The following PDE7B variants were observed in gnomAD, a reference collection of about 807,000 sequenced individuals.
PDE7B encodes phosphodiesterase 7B.
A neutral mutation model predicts 56.2 loss-of-function variants in PDE7B; 29 were observed. The ratio of observed to expected loss-of-function variants is 0.52; its 90% confidence interval spans 0.38 to 0.70. The LOEUF (loss-of-function observed/expected upper bound fraction) is 0.70. Among genes scored for constraint, PDE7B ranks in the 30% least tolerant of loss-of-function variants. The probability of loss-of-function intolerance (pLI) is 0.00; values close to 1 mark genes in which losing one functional copy is unlikely to be tolerated. For synonymous variants in PDE7B, 197 were observed against 196.9 expected (o/e 1.00, Z 0.00); for missense variants, 490 against 565.0 (o/e 0.87, Z 1.35).
intron 1 of PDE7B, among the ~76,000 whole-genome samples, chr6:135,893,563 T>C (rs992857406): frequency 3.0e-4 from 46 of 152,270 alleles, no homozygotes; most frequent in African/African-American, 1.1e-3. Flanking sequence ...ACACTGTTGG[T>C]GGGACTGTAA....
intron 1 of PDE7B, among the ~76,000 whole-genome samples, chr6:135,877,393 A>T (rs1361308651): frequency 1.5e-5 from 2 of 136,916 alleles, no homozygotes; most frequent in African/African-American, 2.7e-5. Context: ...GATATCCTGT[A>T]CCATTCAGAT....
intron 2 of PDE7B, among the ~76,000 whole-genome samples, chr6:136,080,894 AG>A (rs1184710968): frequency 1.3e-5 from 2 of 152,150 alleles, no homozygotes; most frequent in Non-Finnish European, 2.9e-5. Flanking sequence ...CCATTGCAAA[AG>A]GGGCGAGGGG....
intron 1 of PDE7B, among the ~76,000 whole-genome samples, chr6:135,934,210 A>G (rs1774347810): frequency 6.6e-6 from 1 of 152,158 alleles, no homozygotes; most frequent in Admixed American, 6.5e-5. Flanking sequence ...CATGACACCT[A>G]CTACTTCAAA....
At chr6:135,902,719 G>A (rs772973432) in intron 1 of PDE7B, among the ~76,000 whole-genome samples, 1 of 152,242 alleles carries the variant, frequency 6.6e-6, no homozygotes, top group South Asian at 2.1e-4. Flanking sequence ...GTATTTTAAA[G>A]GACTTACCTG....
chr6:136,121,053 G>A (rs1281750291), intron 3 of PDE7B, among the ~76,000 whole-genome samples: 1 of 152,136 alleles, frequency 6.6e-6, no homozygotes, highest in Non-Finnish European at 1.5e-5. Flanking sequence ...TCATCTATAA[G>A]GAAGGTCTAG....
At chr6:136,061,665 C>A (rs746127949) in intron 2 of PDE7B, among the ~76,000 whole-genome samples, 10 of 152,176 alleles carry the variant, frequency 6.6e-5, no homozygotes, top group Non-Finnish European at 1.3e-4. Flanking sequence ...AGAGTAGAAG[C>A]CATCAAACCC....
chr6:136,037,320 G>A (rs923592850), intron 2 of PDE7B: 18 of 659,138 alleles, frequency 2.7e-5, no homozygotes, highest in South Asian at 6.7e-5. Context: ...CGCATCTTTC[G>A]GAGTTAACTG....
At chr6:135,998,885 A>T (rs529610528) in intron 2 of PDE7B, among the ~76,000 whole-genome samples, 2 of 152,300 alleles carry the variant, frequency 1.3e-5, no homozygotes, top group Admixed American at 1.3e-4. Flanking sequence ...AAGAGAGAGG[A>T]AAGAAGGAGG....
chr6:135,911,054 A>T (rs976510423), intron 1 of PDE7B, among the ~76,000 whole-genome samples: 8 of 152,224 alleles, frequency 5.3e-5, no homozygotes, highest in African/African-American at 1.9e-4. Context: ...AATCTTTCAC[A>T]GGAGGAAAAA....
At chr6:135,958,209 G>A (rs1367249642) in intron 2 of PDE7B, among the ~76,000 whole-genome samples, 1 of 152,106 alleles carries the variant, frequency 6.6e-6, no homozygotes, top group Non-Finnish European at 1.5e-5. Context: ...TCCAGCCTGG[G>A]TGACAGAGCA....
chr6:135,906,827 T>TTTTTTTTTTTTTTTTTTTTG (rs1554265693), intron 1 of PDE7B, among the ~76,000 whole-genome samples: 24 of 133,444 alleles, frequency 1.8e-4, no homozygotes, highest in South Asian at 2.7e-4. Flanking sequence ...TTTTTTTTTT[T>TTTTTTTTTTTTTTTTTTTTG]TTTTTTTTTA....
chr6:136,060,361 G>T (rs1016056072), intron 2 of PDE7B, among the ~76,000 whole-genome samples: 2 of 151,792 alleles, frequency 1.3e-5, no homozygotes, highest in South Asian at 2.1e-4. Context: ...CTTCTTTTCT[G>T]CCCACTTTAA....
intron 1 of PDE7B, among the ~76,000 whole-genome samples, chr6:135,893,367 C>T (rs999171370): frequency 1.3e-5 from 2 of 152,016 alleles, no homozygotes. Flanking sequence ...TGGTTTCCAG[C>T]TTCATCCATG....
intron 2 of PDE7B, among the ~76,000 whole-genome samples, chr6:136,079,985 C>A (rs971003950): frequency 1.3e-5 from 2 of 152,066 alleles, no homozygotes; most frequent in Non-Finnish European, 2.9e-5. Flanking sequence ...AATTAAAGAG[C>A]AACAAGGTCT....
In PDE7B at chr6:135,951,745, T is replaced by A. The variant is rs568439080; in HGVS notation, c.82+4221T>A. On this transcript the variant is annotated intron_variant, in intron 2 of 12. Coordinates refer to ENST00000308191, the MANE Select transcript of PDE7B (RefSeq NM_018945.4). ...AAGGTTTAATTTTTTTAATTTGAAA[T>A]TTTCATTGGCCCTGTTTTTGTCTCA... 2.6e-5 allele frequency among the ~76,000 whole-genome samples: 4 copies of A among 152,250 alleles called. No individual in the cohort carries two copies. In the South Asian group the frequency reaches 8.3e-4, roughly 32 times the overall value.
At chr6:136,048,085 T>TAGAC (rs1462650312) in intron 2 of PDE7B, among the ~76,000 whole-genome samples, 1 of 134,850 alleles carries the variant, frequency 7.4e-6, no homozygotes, top group Non-Finnish European at 1.7e-5. Flanking sequence ...GATGGATAGA[T>TAGAC]AGATAGACAG....
At chr6:136,145,858 T>C (rs191643389) in intron 3 of PDE7B, among the ~76,000 whole-genome samples, 2 of 152,276 alleles carry the variant, frequency 1.3e-5, no homozygotes, top group Admixed American at 1.3e-4. Flanking sequence ...ACTCCCTAGG[T>C]AATGTCATCT....
intron 4 of PDE7B, among the ~76,000 whole-genome samples, chr6:136,147,874 C>T (rs1778442778): frequency 6.6e-6 from 1 of 152,172 alleles, no homozygotes; most frequent in Non-Finnish European, 1.5e-5. Flanking sequence ...CTCATCGTAA[C>T]AGCTACACTA....
intron 2 of PDE7B, among the ~76,000 whole-genome samples, chr6:135,985,308 G>A (rs1775358614): frequency 1.3e-5 from 2 of 152,142 alleles, no homozygotes; most frequent in Admixed American, 1.3e-4. Context: ...AGAGCTCTTG[G>A]GAGCTCCACA....
Sources: allele counts gnomAD v4.1 joint callset (sites outside exome capture counted in the v4.1 genomes callset), GRCh38; gene constraint gnomAD v4.1.1; transcripts MANE v1.5; gene names NCBI Gene and HGNC (gene_info 2026-07-23, HGNC 2026-07-21).